The following FBN2 variants were observed in gnomAD, a reference collection of about 807,000 sequenced individuals.
FBN2 encodes fibrillin-2.
A neutral mutation model predicts 355.6 loss-of-function variants in FBN2; 105 were observed. The observed-to-expected ratio is 0.30, with a 90% CI of 0.25 to 0.35. FBN2 has a LOEUF of 0.35. FBN2 is among the 10% of genes least tolerant of loss of function. The pLI is 1.00. For synonymous variants in FBN2, 1,350 were observed against 1,301.2 expected, an observed-to-expected ratio of 1.04 and a Z score of -0.81; for missense variants, 3,280 against 3,758.7, an observed-to-expected ratio of 0.87 and a Z score of 3.33.
chr5:128,322,142 T>A (rs185671847), intron 34 of FBN2, among the ~76,000 whole-genome samples: 2 of 152,242 alleles, frequency 1.3e-5, no homozygotes, highest in African/African-American at 4.8e-5. Context: ...GGGGTTGTTT[T>A]TTTTCTTGTA....
Position 128,408,860 on chromosome 5 carries a change from G to C in FBN2, c.953-61C>G, listed in dbSNP as rs1008178897. The C allele has an allele frequency of 3.8e-6, 6 of 1,597,814 alleles. No homozygotes were observed. The African/African-American group carries it at 5.4e-5, about 14-fold the overall frequency. ...GGCCTTCATTAAATAGCTTTTAAAA[G>C]AGATTTTTTTTTTAAGAGTATGAGA... On this transcript the variant is annotated intron_variant, in intron 7 of 64. Coordinates refer to ENST00000262464, the MANE Select transcript of FBN2 (RefSeq NM_001999.4).
chr5:128,381,634 C>G (rs902160378), intron 11 of FBN2, among the ~76,000 whole-genome samples: 7 of 152,072 alleles, frequency 4.6e-5, no homozygotes, highest in African/African-American at 1.7e-4. Context: ...TGAAAATGTG[C>G]TCCATTACTA....
rs749888746 is a variant in FBN2, at chr5:128,263,556, G to A, written c.8061C>T (p.Asp2687=). The A allele has an allele frequency of 1.9e-6, 3 of 1,613,902 alleles. No homozygotes were observed. Among genetic ancestry groups the A allele is most frequent in the Admixed American group, 3.3e-5 (2 of 59,988 alleles). Residue 2687 remains aspartate (D), a synonymous_variant, in exon 63 of 65, where the codon GAC becomes GAT. Coordinates refer to ENST00000262464, the MANE Select transcript of FBN2 (RefSeq NM_001999.4). ...CGTCGTGGCAGGCACTGGAGAACTG[G>A]TCGAAGGAGAACCCCGAGGGGCAGG... ...KCACPSGFSF[D]QFSSACHDVN...
intron 47 of FBN2, 133 bp downstream of exon 47, chr5:128,301,249 A>G: frequency 1.1e-6 from 1 of 904,848 alleles, no homozygotes; most frequent in Non-Finnish European, 1.7e-6. Context: ...ATTTTCCATC[A>G]TAGCTTATCT....
intron 62 of FBN2, among the ~76,000 whole-genome samples, chr5:128,264,965 T>G (rs1366456): frequency 0.046 from 7,018 of 152,316 alleles, 530 homozygotes; most frequent in African/African-American, 0.16. Context: ...ATCATGATTC[T>G]GATAGTCTCA....
chr5:128,493,800 T>A (rs1465035830), intron 5 of FBN2, among the ~76,000 whole-genome samples: 2 of 152,154 alleles, frequency 1.3e-5, no homozygotes, highest in African/African-American at 2.4e-5. Flanking sequence ...TATGCATTAG[T>A]GTGACATTTC....
chr5:128,486,510 CTGT>C (rs1020452902), intron 5 of FBN2, among the ~76,000 whole-genome samples: 1 of 152,190 alleles, frequency 6.6e-6, no homozygotes, highest in African/African-American at 2.4e-5. Context: ...TCTAGTTCCA[CTGT>C]TGTTCTTGTA....
chr5:128,380,593 C>T (rs1044908775), intron 11 of FBN2, among the ~76,000 whole-genome samples: 3 of 152,096 alleles, frequency 2.0e-5, no homozygotes, highest in Non-Finnish European at 4.4e-5. Flanking sequence ...GTCTAGTACA[C>T]AGAGAAGATG....
chr5:128,470,794 T>TGTGACTGTCAGTGGAATGCA (rs1342305708), intron 5 of FBN2, among the ~76,000 whole-genome samples: 1 of 151,932 alleles, frequency 6.6e-6, no homozygotes, highest in Admixed American at 6.5e-5. Flanking sequence ...ATATCATTTA[T>TGTGACTGTCAGTGGAATGCA]GTGACTGTCA....
chr5:128,401,886 T>C (rs538558579), intron 8 of FBN2, among the ~76,000 whole-genome samples: 1 of 152,224 alleles, frequency 6.6e-6, no homozygotes, highest in South Asian at 2.1e-4. Flanking sequence ...GGTGAGAGGG[T>C]AGAGAGGCAG....
chr5:128,446,675 T>C (rs777383294), intron 6 of FBN2, 69 bp from the exon 7 acceptor site: 70 of 1,525,620 alleles, frequency 4.6e-5, no homozygotes, highest in Non-Finnish European at 5.9e-5. Context: ...TTTTTTACTA[T>C]AAAAACTTTA....
chr5:128,329,568 T>C (rs1270486042), intron 33 of FBN2, among the ~76,000 whole-genome samples: 2 of 152,306 alleles, frequency 1.3e-5, no homozygotes, highest in East Asian at 3.9e-4. Context: ...ATAATGCATG[T>C]TGACTGAGCC....
chr5:128,342,816 C>T (rs1751062621), intron 25 of FBN2, among the ~76,000 whole-genome samples: 1 of 151,944 alleles, frequency 6.6e-6, no homozygotes, highest in Admixed American at 6.6e-5. Flanking sequence ...AAAACCTCCG[C>T]TTCCTGGGTT....
chr5:128,357,833 T>C (rs32238), intron 19 of FBN2, among the ~76,000 whole-genome samples: 1,578 of 152,148 alleles, frequency 0.01, 8 homozygotes, highest in Non-Finnish European at 0.013. Context: ...TTCCAAGCTC[T>C]TGGGTATGAA....
At chr5:128,510,877 G>A (rs1437143840) in intron 5 of FBN2, among the ~76,000 whole-genome samples, 4 of 152,106 alleles carry the variant, frequency 2.6e-5, no homozygotes, top group Non-Finnish European at 5.9e-5. Context: ...TCAAAGTTGA[G>A]GCTAAGTATA....
chr5:128,340,755 ATTTG>A (rs1561779283), intron 25 of FBN2, among the ~76,000 whole-genome samples: 1 of 152,062 alleles, frequency 6.6e-6, no homozygotes, highest in Non-Finnish European at 1.5e-5. Context: ...TTAAATGACT[ATTTG>A]TTAAGTGCTG....
At chr5:128,392,239 GTAAA>G in intron 10 of FBN2, 84 bp from the exon 11 acceptor site, 2 of 1,169,736 alleles carry the variant, frequency 1.7e-6, no homozygotes, top group Non-Finnish European at 2.5e-6. Flanking sequence ...ACATTTAATA[GTAAA>G]TTAATTAGAT....
intron 5 of FBN2, among the ~76,000 whole-genome samples, chr5:128,479,486 T>C (rs1041039629): frequency 1.3e-5 from 2 of 152,134 alleles, no homozygotes; most frequent in Non-Finnish European, 2.9e-5. Flanking sequence ...CATGACACTA[T>C]GAAATAAGTA....
intron 18 of FBN2, among the ~76,000 whole-genome samples, chr5:128,363,733 T>C (rs1211472566): frequency 6.6e-6 from 1 of 152,190 alleles, no homozygotes; most frequent in East Asian, 1.9e-4. Flanking sequence ...TAGCATGGTT[T>C]GCATGTTGTT....
Sources: gnomAD v4.1 joint callset for allele counts (sites outside exome capture counted in the v4.1 genomes callset) on GRCh38, gnomAD v4.1.1 for gene constraint, MANE v1.5 for transcripts, NCBI Gene and HGNC (gene_info 2026-07-23, HGNC 2026-07-21) for gene names.